Variants in RUFY2 observed in about 807,000 individuals in gnomAD.
RUFY2 encodes the protein RUN and FYVE domain-containing protein 2.
A neutral mutation model predicts 94.4 loss-of-function variants in RUFY2; 49 were observed. That is an observed-to-expected ratio of 0.52 (90% CI 0.41 to 0.66). The LOEUF is 0.66. Ranked by LOEUF, RUFY2 falls within the 30% of genes least tolerant of loss-of-function variation. The pLI is 0.00. For synonymous variants in RUFY2, 255 were observed against 235.7 expected (o/e 1.08, Z -0.75); for missense variants, 541 against 692.8 (o/e 0.78, Z 2.46).
intron 16 of RUFY2, among the ~76,000 whole-genome samples, chr10:68,352,323 G>C (rs2046739120): frequency 6.6e-6 from 1 of 152,106 alleles, no homozygotes; most frequent in Non-Finnish European, 1.5e-5. Flanking sequence ...GCTACTGAAA[G>C]ATGTGTTGCC....
chr10:68,400,795 G>C (rs951723505), intron 3 of RUFY2, among the ~76,000 whole-genome samples: 1 of 151,884 alleles, frequency 6.6e-6, no homozygotes, highest in African/African-American at 2.4e-5. Context: ...GGCGGATCAC[G>C]AGGTCAGGAG....
At chr10:68,341,665 G>A (rs1301125565), downstream of RUFY2, 25 of 1,612,494 alleles carry the variant, frequency 1.6e-5, no homozygotes, top group Non-Finnish European at 2.1e-5. Context: ...GGGAGGCTAC[G>A]GAAGAGATGG....
chr10:68,384,862 T>C (rs1265487874), intron 8 of RUFY2, among the ~76,000 whole-genome samples: 4 of 152,186 alleles, frequency 2.6e-5, no homozygotes, highest in South Asian at 4.1e-4. Flanking sequence ...AGGCACAAAC[T>C]AGTGAGTAGC....
intron 1 of RUFY2, 159 bp downstream of exon 1, chr10:68,407,027 G>A (rs1409324059): frequency 2.0e-6 from 3 of 1,485,884 alleles, no homozygotes; most frequent in African/African-American, 2.8e-5. Context: ...GACCCCGGGA[G>A]CCCCCGAGTC....
chr10:68,355,452 G>A, intron 15 of RUFY2, 51 bp from the exon 16 acceptor site: 1 of 1,142,544 alleles, frequency 8.8e-7, no homozygotes, highest in Non-Finnish European at 1.3e-6. Flanking sequence ...TTTAAATATA[G>A]AACACTTAGT....
chr10:68,405,458 A>G lies in RUFY2; in HGVS notation c.5-614T>C. The G allele has an allele frequency of 3.1e-6, 3 of 977,438 alleles. No homozygotes were observed. In the South Asian group the frequency reaches 1.4e-4, roughly 46 times the overall value. 60.5% of individuals were successfully genotyped at this position (977,438 alleles called of 1,614,324 possible). A position where few individuals can be genotyped will look rare whatever the true frequency, so the allele number is the denominator to read the frequency against. Reference sequence around the variant, plus strand: ...CTTTCCTGGTACCTCTTCATAGAGAATGAGTTTTTTAAAATGATCTTCTAT... The same window carrying G: ...CTTTCCTGGTACCTCTTCATAGAGAGTGAGTTTTTTAAAATGATCTTCTAT... On this transcript the variant is annotated intron_variant, in intron 1 of 17. Transcript: ENST00000602465.
rs1589789052 is a variant in RUFY2 at position 68,355,502 on chromosome 10, TGTATA to T, written c.1551-106_1551-102del. 8.9e-6 allele frequency: 6 copies of T among 676,072 alleles called. No individual in the cohort carries two copies. In the East Asian group the frequency reaches 1.7e-4, roughly 20 times the overall value. The allele number at this position is 676,072 out of a possible 1,614,324, so 41.9% of individuals were successfully genotyped here. A position where few individuals can be genotyped will look rare whatever the true frequency, so the allele number is the denominator to read the frequency against. On this transcript the variant is annotated intron_variant, in intron 15 of 17. Transcript: ENST00000602465. The stretch of plus-strand genomic sequence containing the variant: ...TGGTATTTCATAGGATATAAAATTA[TGTATA>T]GTATATGATTTTTATGGCCTTCTCT...
chr10:68,352,582 G>C (rs142996009), intron 16 of RUFY2, among the ~76,000 whole-genome samples: 1 of 152,146 alleles, frequency 6.6e-6, no homozygotes, highest in Non-Finnish European at 1.5e-5. Flanking sequence ...TTTTTAAATA[G>C]AGGTGTTTCA....
At chr10:68,389,003 C>A (rs1222011007) in intron 7 of RUFY2, among the ~76,000 whole-genome samples, 1 of 152,060 alleles carries the variant, frequency 6.6e-6, no homozygotes, top group East Asian at 1.9e-4. Context: ...AGTGATCTTC[C>A]CACCTCAGCC....
chr10:68,351,544 G>C (rs2046678127), intron 16 of RUFY2, among the ~76,000 whole-genome samples: 1 of 150,498 alleles, frequency 6.6e-6, no homozygotes, highest in Non-Finnish European at 1.5e-5. Flanking sequence ...CCACCTCCCA[G>C]GTTCAAGTGA....
At chr10:68,352,734 G>C (rs1358812640) in intron 16 of RUFY2, among the ~76,000 whole-genome samples, 3 of 151,662 alleles carry the variant, frequency 2.0e-5, no homozygotes, top group Admixed American at 1.3e-4. Flanking sequence ...TTCGAGACAA[G>C]CCTAGTCAAT....
chr10:68,390,829 C>A (rs2049920542), intron 7 of RUFY2, among the ~76,000 whole-genome samples: 2 of 151,090 alleles, frequency 1.3e-5, no homozygotes, highest in South Asian at 2.1e-4. Flanking sequence ...TGCAGTGATG[C>A]GATCATAGTT....
intron 3 of RUFY2, among the ~76,000 whole-genome samples, chr10:68,399,121 G>A (rs187045401): frequency 6.9e-4 from 104 of 151,812 alleles, no homozygotes; most frequent in South Asian, 4.2e-4. Flanking sequence ...TTGGCTCACT[G>A]CAACTTCTGC....
intron 13 of RUFY2, among the ~76,000 whole-genome samples, chr10:68,370,453 T>TC (rs2048185526): frequency 2.1e-5 from 3 of 145,626 alleles, no homozygotes; most frequent in East Asian, 1.9e-4. Flanking sequence ...TTTTTCTTTT[T>TC]TTTTTTTTTT....
downstream of RUFY2, chr10:68,342,708 C>G (rs879216614): frequency 6.6e-6 from 1 of 152,488 alleles, no homozygotes; most frequent in Non-Finnish European, 1.5e-5. Context: ...TGGAGTAAAA[C>G]CCCTTCAGCA....
At chr10:68,406,932 C>T in intron 1 of RUFY2, 2 of 1,556,434 alleles carry the variant, frequency 1.3e-6, no homozygotes, top group South Asian at 1.2e-5. Flanking sequence ...TCCTGGACGC[C>T]GTGGCACCTC....
chr10:68,372,669 C>T (rs1003600301), intron 13 of RUFY2, among the ~76,000 whole-genome samples: 14 of 150,328 alleles, frequency 9.3e-5, no homozygotes, highest in Admixed American at 2.6e-4. Flanking sequence ...GTGGCCAGAT[C>T]GCTTGAGCCC....
chr10:68,376,397 C>A (rs2048639398), intron 13 of RUFY2, among the ~76,000 whole-genome samples: 2 of 134,062 alleles, frequency 1.5e-5, no homozygotes, highest in Non-Finnish European at 3.1e-5. Flanking sequence ...CCATTGCATT[C>A]CAGCCTGGGC....
At chr10:68,385,172 G>A (rs1490591215) in intron 8 of RUFY2, among the ~76,000 whole-genome samples, 4 of 152,002 alleles carry the variant, frequency 2.6e-5, no homozygotes, top group Admixed American at 6.6e-5. Flanking sequence ...GCTGAGGCAG[G>A]AGAATCGCTT....
Sources: gnomAD v4.1 joint callset for allele counts (sites outside exome capture counted in the v4.1 genomes callset) on GRCh38, gnomAD v4.1.1 for gene constraint, MANE v1.5 for transcripts, NCBI Gene and HGNC (gene_info 2026-07-23, HGNC 2026-07-21) for gene names.